Variants in LRRIQ4 observed in about 807,000 individuals in gnomAD.
LRRIQ4 encodes the protein leucine rich repeats and IQ motif containing 4.
In LRRIQ4, 21 loss-of-function variants were observed where a neutral mutation model predicts 40.1. The ratio of observed to expected loss-of-function variants is 0.52; its 90% CI spans 0.37 to 0.75. The LOEUF (loss-of-function observed/expected upper bound fraction) is 0.75, where lower values mean the gene tolerates loss of function less well. Ranked by LOEUF, LRRIQ4 falls within the 30% of genes least tolerant of loss-of-function variation. The pLI is 0.00. For synonymous variants in LRRIQ4, 277 were observed against 277.1 expected (o/e 1.00, Z 0.00); for missense variants, 655 against 660.0 (o/e 0.99, Z 0.08).
At chr3:169,834,185 A>G (rs548480250) in intron 5 of LRRIQ4, among the ~76,000 whole-genome samples, 4 of 152,268 alleles carry the variant, frequency 2.6e-5, no homozygotes, top group African/African-American at 9.6e-5. Flanking sequence ...AACATGGTGA[A>G]ACCCTGTCTC....
chr3:169,832,941 T>A (rs201037119), intron 4 of LRRIQ4, 46 bp from the exon 5 acceptor site: 2 of 1,525,620 alleles, frequency 1.3e-6, no homozygotes, highest in Non-Finnish European at 9.0e-7. Flanking sequence ...CAAGTTAATA[T>A]TGTTTCTTCT....
chr3:169,823,360 T>A lies in LRRIQ4; in HGVS notation c.1020+419T>A, dbSNP rs1410652517. On this transcript the variant is annotated intron_variant, in intron 2 of 5. Transcript: ENST00000340806. The stretch of plus-strand genomic sequence containing the variant: ...ACATTCTTTTTTTTTTTTTTTTCTC[T>A]TCCCCGAGACGGAGTCTAGCTCTAT... 2.0e-5 allele frequency among the ~76,000 whole-genome samples: 3 copies of A among 150,822 alleles called. No homozygotes were observed. The East Asian group carries it at 5.9e-4, about 29-fold the overall frequency.
Position 169,833,171 on chromosome 3 carries a change from A to T in LRRIQ4, c.1518A>T (p.Ile506=), listed in dbSNP as rs530804076. The T allele has an allele frequency of 1.9e-6, 3 of 1,612,498 alleles. No homozygotes were observed. In the South Asian group the frequency reaches 3.3e-5, roughly 18 times the overall value. The change falls in exon 5 of 6, where the codon ATA becomes ATT. Residue 506 remains isoleucine (I), a synonymous_variant. Coordinates refer to ENST00000340806, the MANE Select transcript of LRRIQ4 (RefSeq NM_001080460.3). The part of the protein sequence containing the change: ...KYLKENRNRN[I]MATKIQAWWR... ...TCAAGGAAAACAGAAACAGGAATAT[A>T]ATGGCAACAAAGGTAAAATCAGCCC...
chr3:169,835,104 G>A (rs1007884839), intron 5 of LRRIQ4, among the ~76,000 whole-genome samples: 3 of 152,096 alleles, frequency 2.0e-5, no homozygotes, highest in African/African-American at 7.2e-5. Context: ...TGTTCACGTA[G>A]ATGAGTTAAA....
chr3:169,822,535 A>G lies in LRRIQ4; in HGVS notation c.614A>G (p.Glu205Gly), dbSNP rs751788670. Residue 205 changes from glutamate to glycine, a missense_variant, in exon 2 of 6, where the codon GAA (glutamate) becomes GGA (glycine). Transcript: ENST00000340806. ...LDENKIGAIP[E>G]EIGHLTGLQK... ...GAGAACAAAATAGGTGCCATCCCAGAAGAGATCGGACACCTGACGGGGCTG... is the reference window on the plus strand; with the variant it reads ...GAGAACAAAATAGGTGCCATCCCAGGAGAGATCGGACACCTGACGGGGCTG... 6.2e-7 allele frequency: 1 copy of G among 1,613,984 alleles called. No individual in the cohort carries two copies. The highest frequency in any genetic ancestry group is 1.1e-5 in the South Asian group (1 of 91,074).
chr3:169,835,880 T>C (rs1335123670), intron 5 of LRRIQ4, among the ~76,000 whole-genome samples: 5 of 152,210 alleles, frequency 3.3e-5, no homozygotes, highest in African/African-American at 7.2e-5. Context: ...TCCCCAGATA[T>C]GAGCAAGATT....
chr3:169,831,624 G>T (rs976917655), intron 4 of LRRIQ4, among the ~76,000 whole-genome samples: 107 of 149,406 alleles, frequency 7.2e-4, no homozygotes, highest in African/African-American at 2.5e-3. Flanking sequence ...ATTCTTTAAT[G>T]AAAAAAGAAT....
chr3:169,814,074 A>G (rs76810598), intron 1 of LRRIQ4, among the ~76,000 whole-genome samples: 5,335 of 152,224 alleles, frequency 0.035, 243 homozygotes, highest in South Asian at 0.12. Flanking sequence ...CCTCTGTCTT[A>G]CCGCAAGGAC....
intron 1 of LRRIQ4, 72 bp from the exon 2 acceptor site, chr3:169,821,819 A>G: frequency 2.6e-6 from 2 of 760,620 alleles, no homozygotes; most frequent in South Asian, 4.0e-5. Flanking sequence ...TTTTAATTTT[A>G]TTTTTCTTAA....
chr3:169,821,898 A>G lies in LRRIQ4; in HGVS notation c.-24A>G. 1 of 1,373,432 alleles carries G rather than the reference A, an allele frequency of 7.3e-7. No homozygotes were observed. Among genetic ancestry groups the G allele is most frequent in the Non-Finnish European group, 9.5e-7 (1 of 1,049,154 alleles). The allele number at this position is 1,373,432 out of a possible 1,614,324, so 85.1% of individuals were successfully genotyped here. On this transcript the variant is annotated 5_prime_UTR_variant, in exon 2 of 6. Coordinates refer to ENST00000340806, the MANE Select transcript of LRRIQ4 (RefSeq NM_001080460.3). ...CTTTTCACAATATTTCAGATTTTGA[A>G]TATTTGAGCTTTTCTTCACAATAAT...
At chr3:169,814,740 C>T (rs1395198093) in intron 1 of LRRIQ4, among the ~76,000 whole-genome samples, 1 of 152,168 alleles carries the variant, frequency 6.6e-6, no homozygotes, top group Non-Finnish European at 1.5e-5. Context: ...CTGCCTCTGC[C>T]GCCCAAAGTG....
chr3:169,814,859 A>G (rs887043980), intron 1 of LRRIQ4, among the ~76,000 whole-genome samples: 1 of 152,146 alleles, frequency 6.6e-6, no homozygotes, highest in African/African-American at 2.4e-5. Flanking sequence ...GCATATGGAT[A>G]TCCAGTTTTC....
intron 2 of LRRIQ4, among the ~76,000 whole-genome samples, chr3:169,824,637 CA>C (rs986188734): frequency 6.6e-6 from 1 of 152,030 alleles, no homozygotes; most frequent in African/African-American, 2.4e-5. Context: ...CTCAGCCTCC[CA>C]AGTAGTTGGG....
chr3:169,817,336 C>T (rs965718954), intron 1 of LRRIQ4, among the ~76,000 whole-genome samples: 2 of 152,108 alleles, frequency 1.3e-5, no homozygotes, highest in African/African-American at 4.8e-5. Context: ...ATTTTTAAGA[C>T]TTGTTTTGTG....
intron 1 of LRRIQ4, among the ~76,000 whole-genome samples, chr3:169,817,789 TC>T (rs1779798102): frequency 6.6e-6 from 1 of 152,222 alleles, no homozygotes; most frequent in Non-Finnish European, 1.5e-5. Flanking sequence ...GAATATCTTT[TC>T]CCATTCCTTT....
intron 1 of LRRIQ4, among the ~76,000 whole-genome samples, chr3:169,820,220 A>G (rs1259788328): frequency 1.4e-5 from 2 of 147,712 alleles, no homozygotes; most frequent in East Asian, 4.0e-4. Context: ...CTATCATGTC[A>G]TGTTGTTCTC....
chr3:169,816,544 G>T (rs940663379), intron 1 of LRRIQ4, among the ~76,000 whole-genome samples: 1 of 151,168 alleles, frequency 6.6e-6, no homozygotes. Flanking sequence ...CTCTTAATCT[G>T]GCTAAAAGTT....
chr3:169,814,423 C>T (rs951460511), intron 1 of LRRIQ4, among the ~76,000 whole-genome samples: 3 of 152,098 alleles, frequency 2.0e-5, no homozygotes, highest in South Asian at 2.1e-4. Flanking sequence ...GCTCCTCCGC[C>T]GGTGTGTTCC....
intron 1 of LRRIQ4, among the ~76,000 whole-genome samples, chr3:169,814,631 G>A (rs958713021): frequency 6.6e-6 from 1 of 151,950 alleles, no homozygotes; most frequent in Non-Finnish European, 1.5e-5. Context: ...GATTACAGGC[G>A]CCCCCCACTA....
Sources: allele counts gnomAD v4.1 joint callset (sites outside exome capture counted in the v4.1 genomes callset), GRCh38; gene constraint gnomAD v4.1.1; transcripts MANE v1.5; gene names NCBI Gene and HGNC (gene_info 2026-07-23, HGNC 2026-07-21).